ADGRB3: variants seen among roughly 807,000 people sequenced by gnomAD.
ADGRB3 encodes adhesion G protein-coupled receptor B3, also known as brain-specific angiogenesis inhibitor 3.
A neutral mutation model predicts 193.4 loss-of-function variants in ADGRB3; 37 were observed. The ratio of observed to expected loss-of-function variants is 0.19; its 90% CI spans 0.15 to 0.25. The LOEUF (loss-of-function observed/expected upper bound fraction) is 0.25. ADGRB3 is among the 10% of genes least tolerant of loss of function. The probability of loss-of-function intolerance (pLI) is 1.00; values close to 1 mark genes in which losing one functional copy is unlikely to be tolerated. For missense variants in ADGRB3, 1,637 were observed against 1,852.9 expected, an observed-to-expected ratio of 0.88 and a Z score of 2.14; for synonymous variants, 690 against 644.2, an observed-to-expected ratio of 1.07 and a Z score of -1.08.
intron 3 of ADGRB3, among the ~76,000 whole-genome samples, chr6:68,641,433 A>G (rs1021074347): frequency 6.6e-6 from 1 of 152,198 alleles, no homozygotes; most frequent in African/African-American, 2.4e-5. Flanking sequence ...CATGGGAGAC[A>G]AATTGTATAT....
At chr6:69,322,910 C>T (rs576920906) in intron 20 of ADGRB3, among the ~76,000 whole-genome samples, 83 of 152,024 alleles carry the variant, frequency 5.5e-4, no homozygotes, top group African/African-American at 2.0e-3. Context: ...CAACACATTT[C>T]CCCATAGTCT....
chr6:68,918,796 T>A (rs1457489626), intron 3 of ADGRB3, among the ~76,000 whole-genome samples: 1 of 151,970 alleles, frequency 6.6e-6, no homozygotes, highest in East Asian at 1.9e-4. Flanking sequence ...GAAACCAAGC[T>A]TTTTTTTCTT....
intron 6 of ADGRB3, among the ~76,000 whole-genome samples, chr6:68,951,105 T>C (rs1767904457): frequency 1.3e-5 from 2 of 152,158 alleles, no homozygotes; most frequent in Admixed American, 6.6e-5. Flanking sequence ...ATATTTTACA[T>C]GTAAAAGATT....
At chr6:69,034,581 T>A (rs1177773122) in intron 13 of ADGRB3, among the ~76,000 whole-genome samples, 3 of 148,074 alleles carry the variant, frequency 2.0e-5, no homozygotes, top group African/African-American at 7.3e-5. Context: ...CTATATATTT[T>A]ATAAATTATA....
At chr6:69,098,640 C>T (rs1772951144) in intron 17 of ADGRB3, among the ~76,000 whole-genome samples, 1 of 152,134 alleles carries the variant, frequency 6.6e-6, no homozygotes, top group Non-Finnish European at 1.5e-5. Flanking sequence ...AGAAATAACA[C>T]CCCATGATCC....
intron 17 of ADGRB3, among the ~76,000 whole-genome samples, chr6:69,212,491 A>G (rs1765688046): frequency 6.6e-6 from 1 of 150,500 alleles, no homozygotes; most frequent in African/African-American, 2.5e-5. Flanking sequence ...ATGATTATTC[A>G]TTGTATTTTT....
intron 11 of ADGRB3, among the ~76,000 whole-genome samples, chr6:68,998,901 A>G (rs768783600): frequency 6.6e-6 from 1 of 152,240 alleles, no homozygotes; most frequent in East Asian, 1.9e-4. Context: ...AAAAGTACCC[A>G]TCTTTGGATA....
At chr6:69,140,430 A>C (rs904696407) in intron 17 of ADGRB3, among the ~76,000 whole-genome samples, 2 of 152,214 alleles carry the variant, frequency 1.3e-5, no homozygotes, top group Non-Finnish European at 2.9e-5. Context: ...GGAAGCTAAA[A>C]ATTAAAACAA....
chr6:69,001,638 C>A (rs1769580119), intron 11 of ADGRB3, among the ~76,000 whole-genome samples: 1 of 151,950 alleles, frequency 6.6e-6, no homozygotes, highest in South Asian at 2.1e-4. Context: ...AAAGAAAGGC[C>A]CTTGAAACAG....
At chr6:69,283,898 A>G (rs1368895775) in intron 20 of ADGRB3, among the ~76,000 whole-genome samples, 1 of 152,184 alleles carries the variant, frequency 6.6e-6, no homozygotes, top group Non-Finnish European at 1.5e-5. Flanking sequence ...TGAGCTTTGT[A>G]CTTGTACATA....
At chr6:68,754,786 C>T (rs1766268410) in intron 3 of ADGRB3, among the ~76,000 whole-genome samples, 3 of 151,832 alleles carry the variant, frequency 2.0e-5, no homozygotes, top group Admixed American at 2.0e-4. Context: ...AACATGTATG[C>T]TCTCACTGAG....
intron 17 of ADGRB3, among the ~76,000 whole-genome samples, chr6:69,099,148 A>C (rs1430767824): frequency 6.6e-6 from 1 of 152,218 alleles, no homozygotes; most frequent in African/African-American, 2.4e-5. Context: ...ACTGACATTT[A>C]GTAGGTAGAA....
chr6:68,644,668 C>G (rs1049955912), intron 3 of ADGRB3, among the ~76,000 whole-genome samples: 3 of 152,090 alleles, frequency 2.0e-5, no homozygotes, highest in African/African-American at 7.2e-5. Context: ...TAGGCCCGGT[C>G]AAGTATAACA....
chr6:69,334,499 C>T (rs182341503), intron 24 of ADGRB3, among the ~76,000 whole-genome samples: 45 of 152,202 alleles, frequency 3.0e-4, no homozygotes, highest in African/African-American at 9.6e-4. Context: ...CATTTAGAGG[C>T]TTTTTTCACT....
chr6:68,956,315 G>T, intron 7 of ADGRB3, 127 bp downstream of exon 7: 1 of 988,864 alleles, frequency 1.0e-6, no homozygotes, highest in Non-Finnish European at 1.4e-6. Context: ...GTGTGTGTGT[G>T]TGTGTGTGTG....
At chr6:69,285,743 C>T (rs1767535361) in intron 20 of ADGRB3, among the ~76,000 whole-genome samples, 1 of 151,808 alleles carries the variant, frequency 6.6e-6, no homozygotes, top group Non-Finnish European at 1.5e-5. Context: ...TACTTGCAAC[C>T]CTCTAACTAT....
chr6:69,115,086 C>T (rs1773491237), intron 17 of ADGRB3, among the ~76,000 whole-genome samples: 1 of 152,252 alleles, frequency 6.6e-6, no homozygotes, highest in Non-Finnish European at 1.5e-5. Flanking sequence ...CCAGCAATCC[C>T]ATTACTGGGT....
intron 17 of ADGRB3, among the ~76,000 whole-genome samples, chr6:69,183,306 A>T (rs57074724): frequency 2.2e-3 from 336 of 152,230 alleles, no homozygotes; most frequent in African/African-American, 7.6e-3. Flanking sequence ...ATGACTTAAA[A>T]TTGCCCTGCA....
At chr6:69,052,634 C>G (rs1026949739) in intron 15 of ADGRB3, among the ~76,000 whole-genome samples, 1 of 152,170 alleles carries the variant, frequency 6.6e-6, no homozygotes, top group Non-Finnish European at 1.5e-5. Context: ...GTCCTTCATA[C>G]AAAGACAAAA....
Sources: allele counts gnomAD v4.1 joint callset (sites outside exome capture counted in the v4.1 genomes callset), GRCh38; gene constraint gnomAD v4.1.1; transcripts MANE v1.5; gene names NCBI Gene and HGNC (gene_info 2026-07-23, HGNC 2026-07-21).